The following CREB5 variants were observed in gnomAD, a reference collection of about 807,000 sequenced individuals.
The protein encoded by CREB5 is cyclic AMP-responsive element-binding protein 5.
CREB5 carries 19 observed loss-of-function variants against 57.1 expected under a neutral mutation model. That is an observed-to-expected ratio of 0.33 (90% CI 0.23 to 0.49). The LOEUF (loss-of-function observed/expected upper bound fraction) is 0.49, where lower values mean the gene tolerates loss of function less well. CREB5 is among the 20% of genes least tolerant of loss of function. CREB5 has a pLI of 0.99. For synonymous variants in CREB5, 238 were observed against 238.3 expected (o/e 1.00, Z 0.01); for missense variants, 579 against 671.6 (o/e 0.86, Z 1.52).
At chr7:28,561,513 T>C (rs1213915104) in intron 4 of CREB5, among the ~76,000 whole-genome samples, 1 of 152,260 alleles carries the variant, frequency 6.6e-6, no homozygotes, top group African/African-American at 2.4e-5. Context: ...TATGCTTGTA[T>C]TACCTGATTT....
At chr7:28,790,069 T>A (rs1807572727) in intron 7 of CREB5, among the ~76,000 whole-genome samples, 1 of 152,250 alleles carries the variant, frequency 6.6e-6, no homozygotes, top group African/African-American at 2.4e-5. Flanking sequence ...AAACTGATTT[T>A]AAAACTTTTT....
At chr7:28,613,184 AC>A (rs2128678869) in intron 5 of CREB5, among the ~76,000 whole-genome samples, 1 of 152,330 alleles carries the variant, frequency 6.6e-6, no homozygotes, top group Non-Finnish European at 1.5e-5. Flanking sequence ...CATTTTGAGC[AC>A]TTTTGCTTGT....
chr7:28,758,624 T>C (rs752856275), intron 7 of CREB5, among the ~76,000 whole-genome samples: 29 of 152,332 alleles, frequency 1.9e-4, no homozygotes, highest in East Asian at 3.9e-4. Context: ...CCCAGCCACT[T>C]AGAGCAGTAA....
At chr7:28,560,903 CGCGTGCGTGTGCGTGTGTGCGCGTGCGT>C (rs1795165466) in intron 4 of CREB5, among the ~76,000 whole-genome samples, 2 of 26,132 alleles carry the variant, frequency 7.7e-5, no homozygotes, top group African/African-American at 1.5e-4. Context: ...TGTGCGTGCG[CGCGTGCGTGTGCGTGTGTGCGCGTGCGT>C]GTGTGCGTGC....
chr7:28,358,528 ATGT>A (rs1302080709), intron 1 of CREB5, among the ~76,000 whole-genome samples: 1 of 152,228 alleles, frequency 6.6e-6, no homozygotes, highest in African/African-American at 2.4e-5. Context: ...TAACCAAAGC[ATGT>A]TGTTTTCTTT....
At chr7:28,406,781 T>G (rs1412675820) in intron 1 of CREB5, among the ~76,000 whole-genome samples, 3 of 152,240 alleles carry the variant, frequency 2.0e-5, no homozygotes, top group Admixed American at 2.0e-4. Context: ...GGCAGAAATG[T>G]GAGTCCACAA....
chr7:28,633,513 A>G (rs893122044), intron 5 of CREB5, among the ~76,000 whole-genome samples: 1 of 152,162 alleles, frequency 6.6e-6, no homozygotes, highest in Non-Finnish European at 1.5e-5. Flanking sequence ...CACTCTGGAG[A>G]ATACCTGAGG....
intron 7 of CREB5, among the ~76,000 whole-genome samples, chr7:28,747,229 A>G (rs1583661550): frequency 6.6e-6 from 1 of 152,330 alleles, no homozygotes; most frequent in East Asian, 1.9e-4. Context: ...AAATGTGTGC[A>G]CACACACTTG....
intron 1 of CREB5, among the ~76,000 whole-genome samples, chr7:28,483,972 G>A (rs1249910643): frequency 6.6e-6 from 1 of 152,188 alleles, no homozygotes; most frequent in Non-Finnish European, 1.5e-5. Flanking sequence ...AGTAGAGAAT[G>A]GGCAAGCTGT....
At chr7:28,369,628 G>A (rs1051952847) in intron 1 of CREB5, among the ~76,000 whole-genome samples, 5 of 152,138 alleles carry the variant, frequency 3.3e-5, no homozygotes, top group East Asian at 1.9e-4. Context: ...CACCCCATCC[G>A]ATTCCCCTGA....
intron 5 of CREB5, 77 bp downstream of exon 5, chr7:28,570,614 G>C: frequency 1.3e-6 from 2 of 1,522,696 alleles, no homozygotes; most frequent in Non-Finnish European, 1.8e-6. Context: ...CTGGTTTCTG[G>C]TGCTCAGATT....
chr7:28,311,691 C>T (rs1038959655), intron 1 of CREB5, among the ~76,000 whole-genome samples: 2 of 152,208 alleles, frequency 1.3e-5, no homozygotes, highest in Non-Finnish European at 2.9e-5. Flanking sequence ...GAGCCCTGGG[C>T]GCTGGTCCTG....
At chr7:28,409,730 C>T, upstream of CREB5, 2 of 341,794 alleles carry the variant, frequency 5.9e-6, no homozygotes, top group Non-Finnish European at 5.6e-6. This position sits in a 1 kb window ranked among gnomAD's most constrained non-coding sequence, Gnocchi z 4.4. Context: ...AGAGACCCCG[C>T]GCCGCGTGAG....
intron 5 of CREB5, among the ~76,000 whole-genome samples, chr7:28,626,040 C>T (rs182746979): frequency 5.6e-4 from 86 of 152,278 alleles, no homozygotes; most frequent in African/African-American, 1.9e-3. Context: ...AGATTGTTGC[C>T]TTTCTTCATT....
intron 1 of CREB5, among the ~76,000 whole-genome samples, chr7:28,392,559 G>A (rs1787242570): frequency 6.6e-6 from 1 of 152,186 alleles, no homozygotes; most frequent in African/African-American, 2.4e-5. Flanking sequence ...ACATGTTATG[G>A]GTTTTGCAAT....
chr7:28,578,123 A>G (rs1795973943), intron 5 of CREB5, among the ~76,000 whole-genome samples: 2 of 152,344 alleles, frequency 1.3e-5, no homozygotes, highest in South Asian at 2.1e-4. Flanking sequence ...TTTAGCTCAT[A>G]TCACTGGTTA....
intron 5 of CREB5, among the ~76,000 whole-genome samples, chr7:28,637,299 TATTC>T (rs1454741741): frequency 2.0e-5 from 3 of 152,212 alleles, no homozygotes; most frequent in Non-Finnish European, 4.4e-5. Context: ...ATCATTCATT[TATTC>T]ATTCACTCAA....
chr7:28,808,121 A>G (rs1808858430), intron 8 of CREB5, among the ~76,000 whole-genome samples: 1 of 152,238 alleles, frequency 6.6e-6, no homozygotes, highest in African/African-American at 2.4e-5. Context: ...ACAGTGTGAC[A>G]GGGCTCAGTG....
intron 5 of CREB5, among the ~76,000 whole-genome samples, chr7:28,631,942 G>A (rs557722438): frequency 4.6e-5 from 7 of 152,160 alleles, no homozygotes; most frequent in African/African-American, 7.2e-5. Context: ...TAGGCATGGC[G>A]TCTTCAAAGC....
Sources: allele counts gnomAD v4.1 joint callset (sites outside exome capture counted in the v4.1 genomes callset), GRCh38; gene constraint gnomAD v4.1.1; non-coding constraint Gnocchi (gnomAD v3.1); transcripts MANE v1.5; gene names NCBI Gene and HGNC (gene_info 2026-07-23, HGNC 2026-07-21).